Variants in EIF4H observed in about 807,000 individuals in gnomAD.
EIF4H encodes the protein eukaryotic translation initiation factor 4H.
In EIF4H, 8 loss-of-function variants were observed where a neutral mutation model predicts 30.6. The observed-to-expected ratio is 0.26, with a 90% confidence interval of 0.15 to 0.47. The LOEUF (loss-of-function observed/expected upper bound fraction) is 0.47, where lower values mean the gene tolerates loss of function less well. Among genes scored for constraint, EIF4H ranks in the 20% least tolerant of loss-of-function variants. The pLI, the probability that EIF4H is intolerant of heterozygous loss-of-function variation, is 0.99. For synonymous variants in EIF4H, 106 were observed against 122.7 expected (o/e 0.86, Z 0.90); for missense variants, 188 against 339.5 (o/e 0.55, Z 3.51).
At position 74,174,427 on chromosome 7, in the gene EIF4H, T is replaced by A; in HGVS notation, c.44T>A (p.Phe15Tyr). ...TACGACGATCGGGCCTACAGCAGCT[T>A]CGGCGGCGGCAGAGGGTGAGGCGGG... The part of the protein sequence containing the change: ...DTYDDRAYSS[F>Y]GGGRGSRGSA... Residue 15 changes from phenylalanine (F) to tyrosine (Y), a missense_variant, in exon 1 of 7, where the codon TTC (phenylalanine) becomes TAC (tyrosine). Phe to Tyr is a conservative substitution (Grantham distance 22, BLOSUM62 3). This residue lies in a region of EIF4H where 43 missense variants were observed against 43.4 expected (regional missense o/e 0.99). Coordinates refer to ENST00000265753, the MANE Select transcript of EIF4H (RefSeq NM_022170.2). 6.9e-7 allele frequency: 1 copy of A among 1,445,572 alleles called. No individual in the cohort carries two copies. The highest frequency in any genetic ancestry group is 9.2e-7 in the Non-Finnish European group (1 of 1,084,664). 89.5% of individuals were successfully genotyped at this position (1,445,572 alleles called of 1,614,324 possible). A position where few individuals can be genotyped will look rare whatever the true frequency, so the allele number is the denominator to read the frequency against.
At chr7:74,177,489 A>G (rs1160634062) in intron 1 of EIF4H, among the ~76,000 whole-genome samples, 1 of 152,140 alleles carries the variant, frequency 6.6e-6, no homozygotes, top group Non-Finnish European at 1.5e-5. Flanking sequence ...TCCCCTTTGA[A>G]TAGTAATTCC....
In EIF4H at chr7:74,187,613, C is replaced by T; in HGVS notation, c.62C>T (p.Ser21Phe). Residue 21 changes from serine (S) to phenylalanine (F), a missense_variant and splice_region_variant, in exon 2 of 7, where the codon TCC becomes TTC. Transcript: ENST00000265753. ...ATCCTGTTTGTCTCCCCTCCTAGGT[C>T]CCGCGGCAGTGCTGGTGGCCATGGT... Reference protein sequence around the residue: ...AYSSFGGGRGSRGSAGGHGSR... With the variant: ...AYSSFGGGRGFRGSAGGHGSR... The T allele has an allele frequency of 6.3e-7, 1 of 1,594,660 alleles. No individual in the cohort carries two copies. Among genetic ancestry groups the T allele is most frequent in the Non-Finnish European group, 8.6e-7 (1 of 1,167,580 alleles).
chr7:74,189,575 A>G, intron 2 of EIF4H, 98 bp from the exon 3 acceptor site: 1 of 1,361,456 alleles, frequency 7.3e-7, no homozygotes. Flanking sequence ...AGACAACAGA[A>G]TGGTAGTTGT....
chr7:74,181,040 C>T (rs879953555), intron 1 of EIF4H, among the ~76,000 whole-genome samples: 2 of 152,126 alleles, frequency 1.3e-5, no homozygotes, highest in Non-Finnish European at 2.9e-5. Flanking sequence ...CCAGCCTCAA[C>T]CATTTTTAAG....
At chr7:74,193,520 A>T (rs1437917423) in intron 5 of EIF4H, among the ~76,000 whole-genome samples, 1 of 151,732 alleles carries the variant, frequency 6.6e-6, no homozygotes, top group African/African-American at 2.4e-5. Context: ...CCTTGGCACC[A>T]CTCTCGCAGA....
rs1554710441 is a variant in EIF4H, at chr7:74,194,754, C to T, written c.483C>T (p.Asp161=). Reference sequence around the variant, plus strand: ...TTTCTTCCTCAGGCTTCAGGGATGACTTCTTAGGGGGCAGGGGAGGTAGTC... The same window carrying T: ...TTTCTTCCTCAGGCTTCAGGGATGATTTCTTAGGGGGCAGGGGAGGTAGTC... ...RDDFNSGFRD[D]FLGGRGGSRP... The change falls in exon 6 of 7, where the codon GAC becomes GAT. Residue 161 remains aspartate (D), a synonymous_variant. Coordinates refer to ENST00000265753, the MANE Select transcript of EIF4H (RefSeq NM_022170.2). 2.5e-6 allele frequency: 4 copies of T among 1,590,096 alleles called. No homozygotes were observed. The highest frequency in any genetic ancestry group is 2.2e-5 in the South Asian group (2 of 89,934).
chr7:74,178,919 C>T (rs553734902), intron 1 of EIF4H, among the ~76,000 whole-genome samples: 94 of 152,218 alleles, frequency 6.2e-4, no homozygotes, highest in Non-Finnish European at 1.3e-3. Flanking sequence ...AAGTATGTGG[C>T]TGCTCCACGG....
chr7:74,191,744 GAATA>G (rs1554709989), intron 5 of EIF4H, among the ~76,000 whole-genome samples: 15 of 152,132 alleles, frequency 9.9e-5, no homozygotes, highest in Non-Finnish European at 2.9e-5. Flanking sequence ...AGATTCTCAT[GAATA>G]GTTTGCTTCC....
rs150355402 is a variant in EIF4H at position 74,182,659 on chromosome 7, A to T, written c.60-4952A>T. Among the ~76,000 whole-genome samples, 70 of 152,332 alleles carry T rather than the reference A, an allele frequency of 4.6e-4. No individual in the cohort carries two copies. The East Asian group carries it at 0.013, about 27-fold the overall frequency. On this transcript the variant is annotated intron_variant, in intron 1 of 6. Transcript: ENST00000265753. ...AGTGCAGTTGCACAATCACAGTCCCAAAGTGCTGGGACTACAGGCCGGAGC... is the reference window on the plus strand; with the variant it reads ...AGTGCAGTTGCACAATCACAGTCCCTAAGTGCTGGGACTACAGGCCGGAGC...
intron 1 of EIF4H, 118 bp from the exon 2 acceptor site, chr7:74,187,493 A>G: frequency 1.9e-6 from 2 of 1,034,278 alleles, no homozygotes; most frequent in South Asian, 2.5e-5. Flanking sequence ...GTCTTGTGGT[A>G]CATCGAGCAG....
At chr7:74,193,627 C>A (rs1485784131) in intron 5 of EIF4H, among the ~76,000 whole-genome samples, 3 of 144,860 alleles carry the variant, frequency 2.1e-5, no homozygotes, top group Non-Finnish European at 4.5e-5. Flanking sequence ...TTTTTTTTTT[C>A]CTTGAGACAG....
chr7:74,176,428 G>C (rs1298726766), intron 1 of EIF4H, among the ~76,000 whole-genome samples: 2 of 152,066 alleles, frequency 1.3e-5, no homozygotes, highest in Non-Finnish European at 2.9e-5. Context: ...ATGTCCACAT[G>C]AACAAATGTC....
At chr7:74,195,048 G>T (rs1801312601) in intron 6 of EIF4H, 121 bp from the exon 7 acceptor site, 1 of 1,529,216 alleles carries the variant, frequency 6.5e-7, no homozygotes, top group Non-Finnish European at 8.8e-7. Flanking sequence ...TGCTGTTGGG[G>T]TAGCAGGCCA....
chr7:74,176,582 C>T (rs1800846354), intron 1 of EIF4H, among the ~76,000 whole-genome samples: 1 of 152,180 alleles, frequency 6.6e-6, no homozygotes, highest in Admixed American at 6.5e-5. Context: ...CTCTGAATTA[C>T]TTGGGTCACA....
rs192889448 is a variant in EIF4H at position 74,195,087 on chromosome 7, C to A, written c.608-82C>A. 43 of 1,566,998 alleles carry A rather than the reference C, an allele frequency of 2.7e-5. 1 individual carries two copies. In the East Asian group the frequency reaches 3.4e-4, roughly 12 times the overall value. ...GAATTTTAGAAAGTGGGCTGGTTTG[C>A]TGACAGCAACATCAGCATGGTCGTT... On this transcript the variant is annotated intron_variant, in intron 6 of 6. Coordinates refer to ENST00000265753, the MANE Select transcript of EIF4H (RefSeq NM_022170.2).
chr7:74,194,119 C>T (rs1173729077), intron 5 of EIF4H, among the ~76,000 whole-genome samples: 1 of 152,240 alleles, frequency 6.6e-6, no homozygotes, highest in African/African-American at 2.4e-5. Context: ...CCACAGGAGG[C>T]GCCGGTGGGG....
At chr7:74,194,489 A>ATTTT (rs782025498) in intron 5 of EIF4H, among the ~76,000 whole-genome samples, 14 of 152,228 alleles carry the variant, frequency 9.2e-5, no homozygotes, top group Non-Finnish European at 1.6e-4. Context: ...CAAGCTGAGC[A>ATTTT]TGTAAACAGC....
chr7:74,194,000 C>T (rs1386130463), intron 5 of EIF4H, among the ~76,000 whole-genome samples: 1 of 152,218 alleles, frequency 6.6e-6, no homozygotes, highest in African/African-American at 2.4e-5. Flanking sequence ...AATACTCTTT[C>T]CTCCTACACA....
intron 1 of EIF4H, among the ~76,000 whole-genome samples, chr7:74,182,695 T>C (rs1800989180): frequency 6.6e-6 from 1 of 152,238 alleles, no homozygotes; most frequent in Non-Finnish European, 1.5e-5. Context: ...CACATGCCCA[T>C]GCCCAGCCTT....
Sources: allele counts gnomAD v4.1 joint callset (sites outside exome capture counted in the v4.1 genomes callset), GRCh38; gene constraint gnomAD v4.1.1; regional missense constraint gnomAD v4.1.1; transcripts MANE v1.5; gene names NCBI Gene and HGNC (gene_info 2026-07-23, HGNC 2026-07-21).